The following OCA2 variants were observed in gnomAD, a reference collection of about 807,000 sequenced individuals.
OCA2 encodes OCA2 melanosomal transmembrane protein.
OCA2 carries 77 observed loss-of-function variants against 100.2 expected under a neutral mutation model. The observed-to-expected ratio is 0.77, with a 90% CI of 0.64 to 0.93. The LOEUF is 0.93. Ranked by LOEUF, OCA2 falls within the 40% of genes least tolerant of loss-of-function variation. The pLI is 0.00. For missense variants in OCA2, 1,062 were observed against 1,089.1 expected (o/e 0.98, Z 0.35); for synonymous variants, 432 against 439.2 (o/e 0.98, Z 0.21).
chr15:27,905,732 A>C (rs1192528137), intron 19 of OCA2, among the ~76,000 whole-genome samples: 1 of 152,252 alleles, frequency 6.6e-6, no homozygotes, highest in African/African-American at 2.4e-5. Flanking sequence ...ACAAAACACA[A>C]ACAAGCCCAA....
chr15:28,004,990 T>C (rs929849771), intron 9 of OCA2, among the ~76,000 whole-genome samples: 1 of 152,112 alleles, frequency 6.6e-6, no homozygotes, highest in Non-Finnish European at 1.5e-5. Flanking sequence ...TTTCTTCCTG[T>C]ATATCAAAGA....
intron 23 of OCA2, among the ~76,000 whole-genome samples, chr15:27,825,538 C>T (rs1360500650): frequency 6.6e-6 from 1 of 152,060 alleles, no homozygotes; most frequent in Non-Finnish European, 1.5e-5. Context: ...CCAAGCTGCC[C>T]CCTAGGAAAG....
At chr15:27,770,780 TCCTTCCTTCCTCCCTCCC>T (rs2031690027) in intron 23 of OCA2, among the ~76,000 whole-genome samples, 1 of 40,776 alleles carries the variant, frequency 2.5e-5, no homozygotes, top group Non-Finnish European at 5.2e-5. Flanking sequence ...CTCCCTTCCA[TCCTTCCTTCCTCCCTCCC>T]TCTTTTCCTT....
At chr15:27,955,796 C>T (rs1393699255) in intron 16 of OCA2, among the ~76,000 whole-genome samples, 4 of 152,148 alleles carry the variant, frequency 2.6e-5, no homozygotes, top group Non-Finnish European at 5.9e-5. Flanking sequence ...GTCCATGCTG[C>T]TCCTGCCGGG....
intron 2 of OCA2, among the ~76,000 whole-genome samples, chr15:28,070,566 C>T (rs1221639416): frequency 1.4e-5 from 2 of 146,722 alleles, no homozygotes; most frequent in Non-Finnish European, 3.0e-5. Context: ...GCCCGGCCAG[C>T]CGCCCCGTCT....
chr15:28,023,289 A>G (rs959975431), intron 5 of OCA2, among the ~76,000 whole-genome samples: 2 of 152,208 alleles, frequency 1.3e-5, no homozygotes, highest in African/African-American at 4.8e-5. Flanking sequence ...TTCCATTTCT[A>G]GCATAGGTTT....
chr15:27,814,089 AC>A (rs751109811), intron 23 of OCA2, among the ~76,000 whole-genome samples: 1 of 152,230 alleles, frequency 6.6e-6, no homozygotes, highest in Non-Finnish European at 1.5e-5. Flanking sequence ...TTTGAAACAT[AC>A]AATCAATCAA....
At chr15:27,840,743 A>G (rs541788756) in intron 23 of OCA2, among the ~76,000 whole-genome samples, 1 of 152,312 alleles carries the variant, frequency 6.6e-6, no homozygotes, top group South Asian at 2.1e-4. Context: ...CTTGATCTAA[A>G]CCTCACACCT....
At chr15:27,989,466 C>A in intron 11 of OCA2, 135 bp downstream of exon 11, 3 of 750,090 alleles carry the variant, frequency 4.0e-6, no homozygotes. Context: ...ATTCATGAGA[C>A]CTGCACTAAC....
At chr15:28,017,531 C>T (rs2042436318) in intron 7 of OCA2, among the ~76,000 whole-genome samples, 1 of 152,204 alleles carries the variant, frequency 6.6e-6, no homozygotes, top group Admixed American at 6.5e-5. Flanking sequence ...ACCAAGTTGA[C>T]ATCCTAAGAC....
At chr15:27,816,872 C>T (rs1193174539) in intron 23 of OCA2, among the ~76,000 whole-genome samples, 2 of 152,140 alleles carry the variant, frequency 1.3e-5, no homozygotes, top group Non-Finnish European at 2.9e-5. Flanking sequence ...GCAATGGCAC[C>T]CCACCACCCC....
intron 19 of OCA2, among the ~76,000 whole-genome samples, chr15:27,881,575 A>G (rs937256508): frequency 6.6e-6 from 1 of 152,152 alleles, no homozygotes; most frequent in African/African-American, 2.4e-5. Context: ...CAGGGATTCA[A>G]CTTCTTCCAG....
At chr15:27,940,308 CT>C (rs2039602580) in intron 18 of OCA2, among the ~76,000 whole-genome samples, 2 of 152,232 alleles carry the variant, frequency 1.3e-5, no homozygotes, top group South Asian at 4.1e-4. Flanking sequence ...ACACCTGTCA[CT>C]CTTCTCCCTA....
chr15:27,808,540 T>C (rs1305221288), intron 23 of OCA2, among the ~76,000 whole-genome samples: 1 of 152,080 alleles, frequency 6.6e-6, no homozygotes, highest in Non-Finnish European at 1.5e-5. Flanking sequence ...CCATGCATGG[T>C]GTGGAGGGAA....
intron 23 of OCA2, among the ~76,000 whole-genome samples, chr15:27,793,031 C>T (rs2033158845): frequency 6.6e-6 from 1 of 152,152 alleles, no homozygotes; most frequent in Non-Finnish European, 1.5e-5. Context: ...GGGCTGTTTA[C>T]AAAACTGGAA....
At chr15:27,874,697 C>T (rs74464657) in intron 19 of OCA2, among the ~76,000 whole-genome samples, 2,396 of 151,974 alleles carry the variant, frequency 0.016, 57 homozygotes, top group African/African-American at 0.051. Context: ...TAACATGGGC[C>T]CTTAATGAGT....
intron 14 of OCA2, among the ~76,000 whole-genome samples, chr15:27,975,412 T>C (rs1358481023): frequency 2.0e-5 from 3 of 152,210 alleles, no homozygotes; most frequent in Non-Finnish European, 2.9e-5. Context: ...GAAATTAAGG[T>C]TTTAGGTTTT....
At chr15:28,019,176 CA>C (rs1390870839) in intron 6 of OCA2, among the ~76,000 whole-genome samples, 1 of 150,820 alleles carries the variant, frequency 6.6e-6, no homozygotes, top group African/African-American at 2.4e-5. Flanking sequence ...GGGTGTGATA[CA>C]AAATGCATCA....
At chr15:27,825,777 C>T (rs905824531) in intron 23 of OCA2, among the ~76,000 whole-genome samples, 6 of 152,202 alleles carry the variant, frequency 3.9e-5, no homozygotes, top group African/African-American at 1.4e-4. Context: ...GTCCAGCTCC[C>T]GCAGTGATTG....
Sources: gnomAD v4.1 joint callset for allele counts (sites outside exome capture counted in the v4.1 genomes callset) on GRCh38, gnomAD v4.1.1 for gene constraint, MANE v1.5 for transcripts, NCBI Gene and HGNC (gene_info 2026-07-23, HGNC 2026-07-21) for gene names.